MOB3B: variants seen among roughly 807,000 people sequenced by gnomAD.
The protein encoded by MOB3B is MOB kinase activator-like 2B.
A neutral mutation model predicts 18.7 loss-of-function variants in MOB3B; 7 were observed. That is an observed-to-expected ratio of 0.37 (90% CI 0.21 to 0.70). The LOEUF (loss-of-function observed/expected upper bound fraction) is 0.70. Among genes scored for constraint, MOB3B ranks in the 30% least tolerant of loss-of-function variants. The pLI is 0.52. For missense variants in MOB3B, 253 were observed against 281.3 expected, an observed-to-expected ratio of 0.90 and a Z score of 0.72; for synonymous variants, 111 against 99.9, an observed-to-expected ratio of 1.11 and a Z score of -0.66.
chr9:27,435,218 T>C (rs182419487), intron 2 of MOB3B, among the ~76,000 whole-genome samples: 141 of 152,320 alleles, frequency 9.3e-4, no homozygotes, highest in African/African-American at 3.3e-3. Flanking sequence ...CCCACACTCC[T>C]TTTTTAATTT....
In MOB3B at chr9:27,346,840, C is replaced by T. The variant is rs142228506; in HGVS notation, c.621+12194G>A. On this transcript the variant is annotated intron_variant, in intron 3 of 3. Coordinates refer to ENST00000262244, the MANE Select transcript of MOB3B (RefSeq NM_024761.5). ...TGAAACCCTGTCTCTACTAAAAATACAAAAAATTAGCCAGTTGTGGTGGCA... is the reference window on the plus strand; with the variant it reads ...TGAAACCCTGTCTCTACTAAAAATATAAAAAATTAGCCAGTTGTGGTGGCA... 8.0e-4 allele frequency among the ~76,000 whole-genome samples: 122 copies of T among 151,996 alleles called. 2 individuals are homozygous for T. The highest frequency in any genetic ancestry group is 2.1e-3 in the Admixed American group (32 of 15,258).
chr9:27,369,491 G>A (rs1821383532), intron 2 of MOB3B, among the ~76,000 whole-genome samples: 1 of 152,148 alleles, frequency 6.6e-6, no homozygotes, highest in South Asian at 2.1e-4. Context: ...CACTTGGCAG[G>A]TGAAGGACCT....
chr9:27,435,374 T>C (rs909301007), intron 2 of MOB3B, among the ~76,000 whole-genome samples: 1 of 152,132 alleles, frequency 6.6e-6, no homozygotes, highest in Admixed American at 6.5e-5. Context: ...CTTTTGTGTG[T>C]GTATGTGTGT....
chr9:27,481,922 G>C (rs1057080414), intron 1 of MOB3B, among the ~76,000 whole-genome samples: 1 of 152,130 alleles, frequency 6.6e-6, no homozygotes, highest in East Asian at 1.9e-4. Flanking sequence ...AGTTTTATGG[G>C]AAATCAGAAT....
chr9:27,492,276 C>T (rs891140178), intron 1 of MOB3B, among the ~76,000 whole-genome samples: 7 of 152,084 alleles, frequency 4.6e-5, no homozygotes, highest in African/African-American at 1.7e-4. Flanking sequence ...AAGGTTCACA[C>T]TCATTATAAT....
At chr9:27,415,299 G>A (rs1822127842) in intron 2 of MOB3B, among the ~76,000 whole-genome samples, 1 of 152,074 alleles carries the variant, frequency 6.6e-6, no homozygotes, top group Non-Finnish European at 1.5e-5. Context: ...TTTGCTTTTA[G>A]AAAAATTATA....
At chr9:27,502,749 C>A (rs1184853140) in intron 1 of MOB3B, among the ~76,000 whole-genome samples, 1 of 152,198 alleles carries the variant, frequency 6.6e-6, no homozygotes, top group African/African-American at 2.4e-5. Flanking sequence ...CATGTGGCCT[C>A]CAAGCCCTCA....
chr9:27,520,519 A>G (rs1396231527), intron 1 of MOB3B, among the ~76,000 whole-genome samples: 2 of 152,198 alleles, frequency 1.3e-5, no homozygotes, highest in Non-Finnish European at 2.9e-5. Context: ...GATACATTCA[A>G]TACCTCTGGC....
intron 1 of MOB3B, among the ~76,000 whole-genome samples, chr9:27,477,943 T>C (rs1277329830): frequency 1.3e-5 from 2 of 152,090 alleles, no homozygotes; most frequent in African/African-American, 4.8e-5. Context: ...CTTCAAAATA[T>C]CCATTTACAT....
intron 2 of MOB3B, among the ~76,000 whole-genome samples, chr9:27,381,735 C>T (rs762910845): frequency 1.3e-5 from 2 of 152,184 alleles, no homozygotes; most frequent in Non-Finnish European, 2.9e-5. Flanking sequence ...TATCCTCAAC[C>T]TCCTGGGCTT....
chr9:27,349,540 C>T (rs1433551992), intron 3 of MOB3B, among the ~76,000 whole-genome samples: 1 of 152,168 alleles, frequency 6.6e-6, no homozygotes, highest in Non-Finnish European at 1.5e-5. Flanking sequence ...GGGCATCAAG[C>T]CATACTGACT....
chr9:27,482,225 A>G (rs980577945), intron 1 of MOB3B, among the ~76,000 whole-genome samples: 3 of 152,180 alleles, frequency 2.0e-5, no homozygotes, highest in Admixed American at 6.5e-5. Flanking sequence ...GAAGAGACCT[A>G]ACATTAAAGG....
intron 2 of MOB3B, among the ~76,000 whole-genome samples, chr9:27,428,851 G>T (rs1563866501): frequency 6.6e-6 from 1 of 152,206 alleles, no homozygotes; most frequent in African/African-American, 2.4e-5. Flanking sequence ...TTGTATTTTG[G>T]CACTGAGTTA....
chr9:27,522,242 C>CAAAAAAAAAAA lies in MOB3B; in HGVS notation c.-199+7302_-199+7312dup, dbSNP rs1171362204. On this transcript the variant is annotated intron_variant, in intron 1 of 3. Transcript: ENST00000262244. ...GGAGACAGAGCAAGACCCCGTCTCA[C>CAAAAAAAAAAA]AAAAAAAAAAAAAAAAAAAAAAAAG... Among the ~76,000 whole-genome samples, 38 of 56,036 alleles carry CAAAAAAAAAAA rather than the reference C, an allele frequency of 6.8e-4. 1 individual carries two copies. Among genetic ancestry groups the CAAAAAAAAAAA allele is most frequent in the East Asian group, 2.4e-3 (4 of 1,686 alleles). 36.8% of individuals were successfully genotyped at this position (56,036 alleles called of 152,430 possible).
At chr9:27,443,639 T>G (rs1201769726) in intron 2 of MOB3B, among the ~76,000 whole-genome samples, 1 of 152,172 alleles carries the variant, frequency 6.6e-6, no homozygotes, top group Non-Finnish European at 1.5e-5. Flanking sequence ...ACTTTTCAAT[T>G]TCTTAATCAT....
intron 2 of MOB3B, among the ~76,000 whole-genome samples, chr9:27,452,226 A>G (rs984952350): frequency 6.6e-6 from 1 of 152,190 alleles, no homozygotes; most frequent in Non-Finnish European, 1.5e-5. Context: ...CCATCCATCC[A>G]TCCATCCAAT....
chr9:27,421,670 A>C (rs186052991), intron 2 of MOB3B: 10 of 152,318 alleles, frequency 6.6e-5, no homozygotes, highest in Admixed American at 5.9e-4. Flanking sequence ...TCTACCTCCA[A>C]CTTCCTCCAT....
In MOB3B at chr9:27,529,461, C is replaced by G. The variant is rs115446201; in HGVS notation, c.-199+94G>C. 5,872 of 813,152 alleles carry G rather than the reference C, an allele frequency of 7.2e-3. 255 individuals are homozygous for G. In the African/African-American group the frequency reaches 0.098, roughly 14 times the overall value. 50.4% of individuals were successfully genotyped at this position (813,152 alleles called of 1,614,324 possible). On this transcript the variant is annotated intron_variant, in intron 1 of 3. Coordinates refer to ENST00000262244, the MANE Select transcript of MOB3B (RefSeq NM_024761.5). ...ACCTTCTTGCACCCGCGCCCAGGTG[C>G]GCCCCAAACCTCGCCGCCCGCCCGG...
chr9:27,348,865 T>C (rs1193350641), intron 3 of MOB3B, among the ~76,000 whole-genome samples: 1 of 152,158 alleles, frequency 6.6e-6, no homozygotes, highest in Non-Finnish European at 1.5e-5. Context: ...AAACCTAACG[T>C]TTCAAATGAA....
Sources: gnomAD v4.1 joint callset for allele counts (sites outside exome capture counted in the v4.1 genomes callset) on GRCh38, gnomAD v4.1.1 for gene constraint, MANE v1.5 for transcripts, NCBI Gene and HGNC (gene_info 2026-07-23, HGNC 2026-07-21) for gene names.